Variants in FBN2 observed in about 807,000 individuals in gnomAD.
FBN2 encodes the protein fibrillin 2.
Under a neutral mutation model 355.6 loss-of-function variants are expected in FBN2, and 105 were observed. The observed-to-expected ratio is 0.30, with a 90% CI of 0.25 to 0.35. FBN2 has a LOEUF of 0.35. Among genes scored for constraint, FBN2 ranks in the 10% least tolerant of loss-of-function variants. FBN2 has a pLI of 1.00. For synonymous variants in FBN2, 1,350 were observed against 1,301.2 expected (o/e 1.04, Z -0.81); for missense variants, 3,280 against 3,758.7 (o/e 0.87, Z 3.33).
intron 8 of FBN2, among the ~76,000 whole-genome samples, chr5:128,404,801 T>G (rs1752885125): frequency 1.3e-5 from 2 of 152,226 alleles, no homozygotes; most frequent in African/African-American, 4.8e-5. Flanking sequence ...AAAACATATT[T>G]CATTTCATTT....
chr5:128,457,342 G>A (rs913615316), intron 6 of FBN2, among the ~76,000 whole-genome samples: 2 of 152,186 alleles, frequency 1.3e-5, no homozygotes, highest in African/African-American at 4.8e-5. Context: ...GTACCAGGAG[G>A]AGACAGGGAG....
intron 3 of FBN2, 31 bp from the exon 4 acceptor site, chr5:128,527,998 AC>A: frequency 7.0e-7 from 1 of 1,423,916 alleles, no homozygotes; most frequent in Non-Finnish European, 9.9e-7. Flanking sequence ...AAGTATAAAA[AC>A]ATCAGTCATC....
At chr5:128,426,574 G>C (rs1263470836) in intron 7 of FBN2, among the ~76,000 whole-genome samples, 2 of 152,152 alleles carry the variant, frequency 1.3e-5, no homozygotes, top group Non-Finnish European at 2.9e-5. Context: ...ATCTCATGCA[G>C]TTCACACAGG....
At chr5:128,513,697 A>G (rs1012660304) in intron 5 of FBN2, among the ~76,000 whole-genome samples, 1 of 152,142 alleles carries the variant, frequency 6.6e-6, no homozygotes, top group Non-Finnish European at 1.5e-5. Flanking sequence ...CAGTGAATTG[A>G]TTTTTCTCCC....
At chr5:128,514,024 ATGTG>A (rs568979356) in intron 5 of FBN2, among the ~76,000 whole-genome samples, 3 of 87,088 alleles carry the variant, frequency 3.4e-5, no homozygotes, top group African/African-American at 1.2e-4. Flanking sequence ...AAGTGCAGAA[ATGTG>A]TGTGTGTGTG....
chr5:128,306,706 T>A (rs1270324328), intron 42 of FBN2, among the ~76,000 whole-genome samples: 2 of 152,062 alleles, frequency 1.3e-5, no homozygotes, highest in Non-Finnish European at 2.9e-5. Context: ...AAGGAATTAA[T>A]TAATATGAAA....
chr5:128,316,530 A>C (rs1168343608), intron 36 of FBN2, among the ~76,000 whole-genome samples: 1 of 152,164 alleles, frequency 6.6e-6, no homozygotes. Flanking sequence ...AGAAACTCAT[A>C]AACTAAAATT....
At chr5:128,347,973 G>GT (rs1554123961) in intron 23 of FBN2, among the ~76,000 whole-genome samples, 8 of 94,322 alleles carry the variant, frequency 8.5e-5, no homozygotes, top group Non-Finnish European at 9.5e-5. Context: ...GAGACGGGGA[G>GT]GGGGGGGTTC....
intron 61 of FBN2, among the ~76,000 whole-genome samples, chr5:128,272,463 CATATATAT>C (rs3083327): frequency 1.3e-4 from 18 of 139,788 alleles, no homozygotes; most frequent in African/African-American, 4.5e-4. Flanking sequence ...TTTGGTAAAT[CATATATAT>C]ATATATATAT....
chr5:128,527,454 A>C (rs1249253062), intron 4 of FBN2, among the ~76,000 whole-genome samples: 1 of 152,190 alleles, frequency 6.6e-6, no homozygotes, highest in Non-Finnish European at 1.5e-5. Context: ...AATTTTGAGA[A>C]GTTCTAAAAA....
At chr5:128,424,793 C>T (rs1371378912) in intron 7 of FBN2, among the ~76,000 whole-genome samples, 1 of 152,108 alleles carries the variant, frequency 6.6e-6, no homozygotes, top group African/African-American at 2.4e-5. Flanking sequence ...TTTGCAGTAA[C>T]TCAGGCATGA....
At chr5:128,334,082 C>A (rs569376612) in intron 31 of FBN2, among the ~76,000 whole-genome samples, 1 of 152,032 alleles carries the variant, frequency 6.6e-6, no homozygotes, top group South Asian at 2.1e-4. Flanking sequence ...CACATCCTAG[C>A]CCCACCTGCA....
At chr5:128,436,682 GA>G (rs368032823) in intron 7 of FBN2, among the ~76,000 whole-genome samples, 1,816 of 144,582 alleles carry the variant, frequency 0.013, 48 homozygotes, top group African/African-American at 0.044. Context: ...AAAAAAAAAA[GA>G]AAAAAAAGTA....
intron 9 of FBN2, 120 bp downstream of exon 9, chr5:128,395,002 T>C: frequency 8.7e-7 from 1 of 1,150,876 alleles, no homozygotes; most frequent in Non-Finnish European, 1.3e-6. Context: ...CCCAGGCTGG[T>C]TTTGAACTTC....
intron 15 of FBN2, among the ~76,000 whole-genome samples, chr5:128,374,252 CA>C (rs1294646084): frequency 9.9e-5 from 15 of 152,022 alleles, no homozygotes; most frequent in African/African-American, 3.6e-4. Flanking sequence ...TTAAAGTGTA[CA>C]ATTTTATAGT....
At chr5:128,459,212 A>G (rs1174475832) in intron 6 of FBN2, among the ~76,000 whole-genome samples, 1 of 152,172 alleles carries the variant, frequency 6.6e-6, no homozygotes, top group Non-Finnish European at 1.5e-5. Flanking sequence ...AGAAATGGAT[A>G]AATTCCTGGA....
rs1554116417 is a variant in FBN2, at chr5:128,272,121, G to A, written c.7841-3C>T. The A allele has an allele frequency of 3.1e-6, 5 of 1,613,844 alleles. No individual in the cohort carries two copies. The highest frequency in any genetic ancestry group is 4.2e-6 in the Non-Finnish European group (5 of 1,179,890). Reference sequence around the variant, plus strand: ...GTTCCCATCACATTCATCAACATCTGCAAAAACAAGCCCGGCAAAACCTTT... The same window carrying A: ...GTTCCCATCACATTCATCAACATCTACAAAAACAAGCCCGGCAAAACCTTT... On this transcript the variant is annotated splice_polypyrimidine_tract_variant and splice_region_variant and intron_variant, in intron 61 of 64. Coordinates refer to ENST00000262464, the MANE Select transcript of FBN2 (RefSeq NM_001999.4).
At position 128,482,644 on chromosome 5, in the gene FBN2, T is replaced by A. The variant is rs115948820; in HGVS notation, c.629-17723A>T. On this transcript the variant is annotated intron_variant, in intron 5 of 64. Transcript: ENST00000262464. The stretch of plus-strand genomic sequence containing the variant: ...CTGCATTTAGATTAGAGTTTTAAAA[T>A]TGATATATTAATATCAATTTAGAAT... Among the ~76,000 whole-genome samples, 569 of 152,292 alleles carry A rather than the reference T, an allele frequency of 3.7e-3. 4 individuals carry two copies. Among genetic ancestry groups the A allele is most frequent in the African/African-American group, 0.013 (523 of 41,558 alleles).
rs115390851 is a variant in FBN2 at position 128,367,958 on chromosome 5, T to A, written c.2248+1224A>T. ...GTTTGAAGACTCCATTCAGGATTTT[T>A]AAGGGAATAACAAGACATTTCCTTT... On this transcript the variant is annotated intron_variant, in intron 16 of 64. Transcript: ENST00000262464. Among the ~76,000 whole-genome samples, 998 of 152,310 alleles carry A rather than the reference T, an allele frequency of 6.6e-3. 9 individuals are homozygous for A. Among genetic ancestry groups the A allele is most frequent in the African/African-American group, 0.023 (947 of 41,568 alleles).
Sources: gnomAD v4.1 joint callset for allele counts (sites outside exome capture counted in the v4.1 genomes callset) on GRCh38, gnomAD v4.1.1 for gene constraint, MANE v1.5 for transcripts, NCBI Gene and HGNC (gene_info 2026-07-23, HGNC 2026-07-21) for gene names.